JAK1: variants seen among roughly 807,000 people sequenced by gnomAD.
JAK1 encodes the protein Janus kinase 1.
In JAK1, 16 loss-of-function variants were observed where a neutral mutation model predicts 136.6. The ratio of observed to expected loss-of-function variants is 0.12; its 90% CI spans 0.08 to 0.18. The LOEUF is 0.18. Among genes scored for constraint, JAK1 ranks in the 10% least tolerant of loss-of-function variants. The pLI is 1.00. For missense variants in JAK1, 859 were observed against 1,450.1 expected (o/e 0.59, Z 6.62); for synonymous variants, 492 against 519.5 (o/e 0.95, Z 0.72).
chr1:65,067,530 C>G (rs1000624175), intron 1 of JAK1: 14 of 146,502 alleles, frequency 9.6e-5, no homozygotes, highest in African/African-American at 2.9e-4. Context: ...ACGCCCCACG[C>G]AGCCCGCCTC....
At chr1:64,838,408 T>C in intron 21 of JAK1, 57 bp downstream of exon 21, 1 of 1,564,000 alleles carries the variant, frequency 6.4e-7, no homozygotes, top group Non-Finnish European at 8.7e-7. Flanking sequence ...ACAAACCAAT[T>C]ACCCAGGACA....
In JAK1 at chr1:64,857,674, G is replaced by A. The variant is rs34597718; in HGVS notation, c.1440C>T (p.Thr480=). ...GACTGACCTCAGACTTCTCAAAGCA[G>A]GTGACGGTCATGAGGATGTTGTCAA... The part of the protein sequence containing the change: ...TDFDNILMTV[T]CFEKSEQVQG... The change falls in exon 10 of 25, where the codon ACC becomes ACT. Residue 480 remains threonine, a synonymous_variant. Transcript: ENST00000342505. 22 of 1,614,194 alleles carry A rather than the reference G, an allele frequency of 1.4e-5. No individual in the cohort carries two copies. Among genetic ancestry groups the A allele is most frequent in the African/African-American group, 1.3e-4 (10 of 75,064 alleles).
At chr1:65,043,700 A>ATTTTTTTTTTTTTTTTTT (rs112982943) in intron 2 of JAK1, among the ~76,000 whole-genome samples, 16 of 101,264 alleles carry the variant, frequency 1.6e-4, no homozygotes, top group Non-Finnish European at 2.1e-4. Flanking sequence ...CACCTGGCTA[A>ATTTTTTTTTTTTTTTTTT]TTTTTTTTTT....
intron 3 of JAK1, among the ~76,000 whole-genome samples, chr1:64,883,045 G>A (rs1434045092): frequency 2.0e-5 from 3 of 152,114 alleles, no homozygotes; most frequent in East Asian, 3.8e-4. Flanking sequence ...CATTAGTGAC[G>A]GAGCAGAAAG....
At chr1:64,965,994 G>A (rs1236624244) in intron 1 of JAK1, among the ~76,000 whole-genome samples, 1 of 152,010 alleles carries the variant, frequency 6.6e-6, no homozygotes, top group Non-Finnish European at 1.5e-5. Context: ...GTATCTCGGG[G>A]TGGTATAAAC....
intron 1 of JAK1, among the ~76,000 whole-genome samples, chr1:64,916,164 T>G (rs1041084134): frequency 1.3e-5 from 2 of 152,154 alleles, no homozygotes; most frequent in African/African-American, 4.8e-5. Flanking sequence ...AAGCCTCTAA[T>G]GCAGACATGG....
intron 1 of JAK1, among the ~76,000 whole-genome samples, chr1:64,944,221 C>CAAAA (rs771660692): frequency 3.2e-4 from 20 of 63,340 alleles, no homozygotes; most frequent in Admixed American, 1.7e-3. Context: ...GACTCTGTCT[C>CAAAA]AAAAAAAAAA....
intron 2 of JAK1, among the ~76,000 whole-genome samples, chr1:65,024,089 CT>C (rs1003453222): frequency 6.6e-6 from 1 of 152,006 alleles, no homozygotes; most frequent in Admixed American, 6.6e-5. Context: ...TTGTACAAAA[CT>C]TTTTGCGGCC....
At chr1:64,873,607 G>C in intron 4 of JAK1, 84 bp from the exon 5 acceptor site, 1 of 1,526,254 alleles carries the variant, frequency 6.6e-7, no homozygotes, top group South Asian at 1.1e-5. Flanking sequence ...ACAGTGGTCA[G>C]TGCCGGAGGC....
intron 1 of JAK1, among the ~76,000 whole-genome samples, chr1:64,934,460 G>T (rs1645752864): frequency 1.3e-5 from 2 of 151,792 alleles, no homozygotes; most frequent in African/African-American, 4.8e-5. Flanking sequence ...AGGTTGTCGT[G>T]ACTCATCAGG....
chr1:64,929,686 CTTATAAG>C (rs1198816633), intron 1 of JAK1, among the ~76,000 whole-genome samples: 1 of 152,144 alleles, frequency 6.6e-6, no homozygotes, highest in Non-Finnish European at 1.5e-5. Context: ...ATGGATGATT[CTTATAAG>C]TTATGATACC....
intron 2 of JAK1, among the ~76,000 whole-genome samples, chr1:65,027,032 T>C (rs564215764): frequency 8.6e-5 from 13 of 152,010 alleles, no homozygotes; most frequent in African/African-American, 3.1e-4. Context: ...TAGAGCTGGT[T>C]ATCTGGAAAC....
chr1:64,858,972 G>A (rs1024716244), intron 9 of JAK1, among the ~76,000 whole-genome samples: 3 of 152,346 alleles, frequency 2.0e-5, no homozygotes, highest in East Asian at 1.9e-4. Flanking sequence ...AGGGAAGAGC[G>A]AGTGCCTGGG....
chr1:65,030,553 G>C (rs1222059823), intron 2 of JAK1, among the ~76,000 whole-genome samples: 1 of 147,904 alleles, frequency 6.8e-6, no homozygotes, highest in Admixed American at 6.8e-5. Flanking sequence ...TTTTTTTTGA[G>C]ACAGAGTCTC....
In JAK1 at chr1:64,879,160, T is replaced by G; in HGVS notation, c.206-12A>C. 6.2e-7 allele frequency: 1 copy of G among 1,612,902 alleles called. No individual in the cohort carries two copies. Among genetic ancestry groups the G allele is most frequent in the South Asian group, 1.1e-5 (1 of 90,964 alleles). ...AAGAGGAGAGATACCTGAGGAAAAG[T>G]AAAAAAACACATCAGAAAATCAAGG... On this transcript the variant is annotated splice_polypyrimidine_tract_variant and intron_variant, in intron 3 of 24. Transcript: ENST00000342505.
At chr1:64,938,340 A>G (rs1645828481) in intron 1 of JAK1, among the ~76,000 whole-genome samples, 1 of 152,216 alleles carries the variant, frequency 6.6e-6, no homozygotes. Flanking sequence ...GCTCTTTTCA[A>G]TGACTGCCCC....
chr1:64,919,017 C>CT (rs368616734), intron 1 of JAK1, among the ~76,000 whole-genome samples: 787 of 151,342 alleles, frequency 5.2e-3, no homozygotes, highest in African/African-American at 6.3e-3. Context: ...CTCCTTTTAC[C>CT]TTTTTTTTTA....
intron 2 of JAK1, among the ~76,000 whole-genome samples, chr1:65,015,357 A>G (rs958647113): frequency 3.3e-5 from 5 of 152,218 alleles, no homozygotes; most frequent in African/African-American, 1.2e-4. Flanking sequence ...TATTTAGCAC[A>G]AGAAAAACAT....
At chr1:64,929,991 G>A (rs1645659923) in intron 1 of JAK1, among the ~76,000 whole-genome samples, 1 of 152,188 alleles carries the variant, frequency 6.6e-6, no homozygotes, top group East Asian at 1.9e-4. Flanking sequence ...GCAGAAAACT[G>A]AAACTGGACA....
Sources: allele counts gnomAD v4.1 joint callset (sites outside exome capture counted in the v4.1 genomes callset), GRCh38; gene constraint gnomAD v4.1.1; transcripts MANE v1.5; gene names NCBI Gene and HGNC (gene_info 2026-07-23, HGNC 2026-07-21).